Variants in PAPPA2 observed in about 807,000 individuals in gnomAD.
PAPPA2 encodes the protein pappalysin 2.
In PAPPA2, 86 loss-of-function variants were observed where a neutral mutation model predicts 176.4. The observed-to-expected ratio is 0.49, with a 90% CI of 0.41 to 0.58. The LOEUF (loss-of-function observed/expected upper bound fraction) is 0.58, where lower values mean the gene tolerates loss of function less well. Among genes scored for constraint, PAPPA2 ranks in the 20% least tolerant of loss-of-function variants. The pLI is 0.00. For missense variants in PAPPA2, 2,073 were observed against 2,256.9 expected (o/e 0.92, Z 1.65); for synonymous variants, 809 against 852.2 (o/e 0.95, Z 0.88).
intron 3 of PAPPA2, among the ~76,000 whole-genome samples, chr1:176,631,803 A>G (rs1656354741): frequency 6.6e-6 from 1 of 152,206 alleles, no homozygotes; most frequent in African/African-American, 2.4e-5. Context: ...AGCTAAGGGT[A>G]AAGGCAGTAT....
At chr1:176,827,727 C>G (rs775959328) in intron 21 of PAPPA2, among the ~76,000 whole-genome samples, 26 of 152,092 alleles carry the variant, frequency 1.7e-4, no homozygotes, top group Non-Finnish European at 2.9e-4. Flanking sequence ...CACCCAGGAA[C>G]CTTCTGTGGT....
At chr1:176,495,339 G>A (rs1279915081) in intron 1 of PAPPA2, among the ~76,000 whole-genome samples, 2 of 152,026 alleles carry the variant, frequency 1.3e-5, no homozygotes, top group African/African-American at 4.8e-5. Flanking sequence ...TCAGGAGTTC[G>A]AGACTAGACT....
At chr1:176,755,157 G>A (rs1017524823) in intron 14 of PAPPA2, among the ~76,000 whole-genome samples, 3 of 152,144 alleles carry the variant, frequency 2.0e-5, no homozygotes, top group African/African-American at 7.2e-5. Flanking sequence ...TCTAGGATTA[G>A]AAGATGACAG....
chr1:176,687,683 G>GCTCA (rs1333590513), intron 4 of PAPPA2, among the ~76,000 whole-genome samples: 1 of 152,072 alleles, frequency 6.6e-6, no homozygotes, highest in Non-Finnish European at 1.5e-5. Context: ...ATAGGATGTG[G>GCTCA]GGATATTTGA....
chr1:176,485,835 A>T (rs986038464), intron 1 of PAPPA2, among the ~76,000 whole-genome samples: 1 of 152,228 alleles, frequency 6.6e-6, no homozygotes, highest in Non-Finnish European at 1.5e-5. Context: ...ATTGATGTTA[A>T]TCTTTTTATA....
chr1:176,817,425 A>G (rs1666448055), intron 21 of PAPPA2, among the ~76,000 whole-genome samples: 1 of 152,124 alleles, frequency 6.6e-6, no homozygotes, highest in South Asian at 2.1e-4. Flanking sequence ...AGGCATTGAG[A>G]AGCCTGACAC....
Position 176,840,169 on chromosome 1 carries a change from A to ACAGC in PAPPA2, c.5203-2_5204dup. 1 of 1,611,716 alleles carries ACAGC rather than the reference A, an allele frequency of 6.2e-7. No individual in the cohort carries two copies. Among genetic ancestry groups the ACAGC allele is most frequent in the Non-Finnish European group, 8.5e-7 (1 of 1,178,132 alleles). ...TGAGATGTTGCCTTCTAACCTCCCT[A>ACAGC]CAGCCCTTCCAAGCAGATGGTTGGT... is the stretch of plus-strand genomic sequence containing the variant. On this transcript the variant is annotated splice_polypyrimidine_tract_variant and splice_region_variant and intron_variant, in intron 21 of 22. Coordinates refer to ENST00000367662, the MANE Select transcript of PAPPA2 (RefSeq NM_020318.3).
intron 4 of PAPPA2, among the ~76,000 whole-genome samples, 155 bp from the exon 5 acceptor site, chr1:176,689,982 A>G (rs1660030830): frequency 6.6e-6 from 1 of 152,212 alleles, no homozygotes; most frequent in Admixed American, 6.5e-5. Flanking sequence ...TTTCTGTGGC[A>G]AGAAAGAAAA....
At chr1:176,653,379 C>A (rs1432047022) in intron 3 of PAPPA2, among the ~76,000 whole-genome samples, 1 of 151,722 alleles carries the variant, frequency 6.6e-6, no homozygotes, top group Non-Finnish European at 1.5e-5. Context: ...CATCCTCCCC[C>A]TTTATTGCAT....
At chr1:176,524,207 T>C (rs1170787819) in intron 1 of PAPPA2, among the ~76,000 whole-genome samples, 1 of 152,156 alleles carries the variant, frequency 6.6e-6, no homozygotes, top group Non-Finnish European at 1.5e-5. Flanking sequence ...ACATGGCATA[T>C]AGCAGATCTG....
chr1:176,714,573 C>T (rs1661288007), intron 12 of PAPPA2, among the ~76,000 whole-genome samples: 2 of 152,132 alleles, frequency 1.3e-5, no homozygotes, highest in Non-Finnish European at 2.9e-5. Context: ...GCACCATAAC[C>T]TACATCTGCG....
chr1:176,787,531 C>T (rs542255021), intron 17 of PAPPA2, among the ~76,000 whole-genome samples: 7 of 151,826 alleles, frequency 4.6e-5, no homozygotes, highest in Non-Finnish European at 7.4e-5. Flanking sequence ...CCACCATGCC[C>T]GGCCAAAAAT....
chr1:176,795,733 A>AT (rs1665399979), intron 20 of PAPPA2, among the ~76,000 whole-genome samples: 2 of 152,262 alleles, frequency 1.3e-5, no homozygotes, highest in Non-Finnish European at 1.5e-5. Flanking sequence ...AAACAGCACT[A>AT]TTTTTCTGGA....
At chr1:176,791,303 A>T (rs1288176825) in intron 18 of PAPPA2, 44 bp from the exon 19 acceptor site, 2 of 1,572,868 alleles carry the variant, frequency 1.3e-6, no homozygotes, top group Non-Finnish European at 1.7e-6. Flanking sequence ...CTCTCAATAA[A>T]GTTAACAAAA....
intron 14 of PAPPA2, among the ~76,000 whole-genome samples, chr1:176,764,896 T>G (rs1386861763): frequency 6.6e-6 from 1 of 152,186 alleles, no homozygotes; most frequent in Non-Finnish European, 1.5e-5. Flanking sequence ...GCATCCGGCC[T>G]GCTCCAGTGT....
intron 9 of PAPPA2, among the ~76,000 whole-genome samples, chr1:176,706,050 C>A (rs1236656742): frequency 1.3e-5 from 2 of 152,050 alleles, no homozygotes; most frequent in African/African-American, 4.8e-5. Flanking sequence ...AGCTTAAGAC[C>A]CTCTCCCAGA....
At chr1:176,599,017 A>G (rs1654139559) in intron 3 of PAPPA2, among the ~76,000 whole-genome samples, 1 of 152,140 alleles carries the variant, frequency 6.6e-6, no homozygotes, top group Non-Finnish European at 1.5e-5. Context: ...CTGCCTTCCT[A>G]CAAAATTGAT....
chr1:176,841,470 C>T (rs1043445350), intron 22 of PAPPA2, among the ~76,000 whole-genome samples: 42 of 152,152 alleles, frequency 2.8e-4, no homozygotes, highest in African/African-American at 9.4e-4. Flanking sequence ...ATCACCAAGC[C>T]CATCTCTTTA....
intron 4 of PAPPA2, among the ~76,000 whole-genome samples, chr1:176,671,965 G>T (rs1226359010): frequency 3.3e-5 from 5 of 150,598 alleles, no homozygotes; most frequent in African/African-American, 1.2e-4. Flanking sequence ...AACGCTAAAT[G>T]ACGAGTTAAT....
Sources: gnomAD v4.1 joint callset for allele counts (sites outside exome capture counted in the v4.1 genomes callset) on GRCh38, gnomAD v4.1.1 for gene constraint, MANE v1.5 for transcripts, NCBI Gene and HGNC (gene_info 2026-07-23, HGNC 2026-07-21) for gene names.